Variants in LRRD1 observed in about 807,000 individuals in gnomAD.
LRRD1 encodes the protein leucine-rich repeat and death domain-containing protein 1.
LRRD1 carries 49 observed loss-of-function variants against 69.5 expected under a neutral mutation model. The ratio of observed to expected loss-of-function variants is 0.70; its 90% confidence interval spans 0.56 to 0.89. The LOEUF (loss-of-function observed/expected upper bound fraction) is 0.89. LRRD1 is among the 40% of genes least tolerant of loss of function. LRRD1 has a pLI of 0.00. For synonymous variants in LRRD1, 303 were observed against 338.9 expected (o/e 0.89, Z 1.16); for missense variants, 853 against 956.0 (o/e 0.89, Z 1.42).
At chr7:92,157,845 G>A (rs569893768) in intron 3 of LRRD1, among the ~76,000 whole-genome samples, 1 of 151,942 alleles carries the variant, frequency 6.6e-6, no homozygotes, top group South Asian at 2.1e-4. Context: ...CCAAAGTGCT[G>A]GAATTACAGG....
intron 4 of LRRD1, among the ~76,000 whole-genome samples, chr7:92,149,596 C>T (rs567838163): frequency 2.6e-5 from 4 of 152,222 alleles, no homozygotes; most frequent in Admixed American, 6.5e-5. Context: ...AGCTCAAGGA[C>T]GGATGGGATA....
intron 1 of LRRD1, among the ~76,000 whole-genome samples, chr7:92,174,490 T>C (rs1483881694): frequency 1.1e-4 from 2 of 18,010 alleles, no homozygotes; most frequent in Non-Finnish European, 2.7e-4. Flanking sequence ...TATATATATA[T>C]ATATATATAT....
chr7:92,164,304 CA>C lies in LRRD1; in HGVS notation c.898del (p.Cys300AlafsTer6). The C allele has an allele frequency of 1.3e-6, 2 of 1,550,828 alleles. No homozygotes were observed. The highest frequency in any genetic ancestry group is 1.7e-6 in the Non-Finnish European group (2 of 1,146,668). ...NQLTTFPKAL[C>X]FLPKLISLDL... is the part of the protein sequence containing the mutation. ...TAGTGAAATTAACTTTGGAAGGAAG[CA>C]GAGAGCTTTAGGAAATGTTGTTAAC... On this transcript the variant is annotated frameshift_variant, in exon 2 of 6. Transcript: ENST00000458448. LOFTEE classifies it high-confidence loss of function.
intron 1 of LRRD1, among the ~76,000 whole-genome samples, chr7:92,168,112 T>C (rs1161969461): frequency 6.6e-6 from 1 of 151,962 alleles, no homozygotes; most frequent in Non-Finnish European, 1.5e-5. Context: ...AGGAAATAGT[T>C]CCTAAGACCG....
rs1231305020 is a variant in LRRD1 at position 92,164,899 on chromosome 7, A to G, written c.304T>C (p.Ser102Pro). The G allele has an allele frequency of 6.4e-7, 1 of 1,551,468 alleles. No individual in the cohort carries two copies. Among genetic ancestry groups the G allele is most frequent in the African/African-American group, 1.4e-5 (1 of 73,046 alleles). Residue 102 changes from serine (S) to proline (P), a missense_variant, in exon 2 of 6, where the codon TCA becomes CCA. Around this residue, in one of 3 missense-constraint regions of LRRD1, gnomAD observed 15 missense variants for 40.9 expected, o/e 0.37. Coordinates refer to ENST00000458448, the MANE Select transcript of LRRD1 (RefSeq NM_001161528.2). ...TATTCTGCAGTCCTCCCAGTTAGTG[A>G]TGATAAACTCTGTGAAGTTCCTGTT... ...TRTGTSQSLS[S>P]LTGRTAEYQA...
At chr7:92,160,797 A>C (rs573400246) in intron 2 of LRRD1, among the ~76,000 whole-genome samples, 2 of 152,370 alleles carry the variant, frequency 1.3e-5, no homozygotes, top group East Asian at 3.9e-4. Flanking sequence ...TGAGCGACAG[A>C]GTGAGACTCT....
Position 92,169,679 on chromosome 7 carries a change from C to T in LRRD1, c.-74-4403G>A, listed in dbSNP as rs144939391. ...AAAGAAATTTTGGAACTGAGAAATACATTTACTGAACAGAAAAATTCACTA... is the reference window on the plus strand; with the variant it reads ...AAAGAAATTTTGGAACTGAGAAATATATTTACTGAACAGAAAAATTCACTA... On this transcript the variant is annotated intron_variant, in intron 1 of 5. Coordinates refer to ENST00000458448, the MANE Select transcript of LRRD1 (RefSeq NM_001161528.2). 6.7e-3 allele frequency among the ~76,000 whole-genome samples: 1,022 copies of T among 151,942 alleles called. 10 individuals carry two copies. Among genetic ancestry groups the T allele is most frequent in the African/African-American group, 0.023 (973 of 41,436 alleles).
At chr7:92,178,954 A>G (rs1350917246) in intron 1 of LRRD1, 53 bp downstream of exon 1, 1 of 152,244 alleles carries the variant, frequency 6.6e-6, no homozygotes, top group African/African-American at 2.4e-5. Context: ...AATGAGAGAG[A>G]ATCTGGGCGT....
intron 1 of LRRD1, among the ~76,000 whole-genome samples, chr7:92,170,158 A>C (rs1789021357): frequency 6.6e-6 from 1 of 151,694 alleles, no homozygotes; most frequent in African/African-American, 2.4e-5. Flanking sequence ...GGAAGGAAGG[A>C]AGGAGGGAAG....
chr7:92,152,051 T>C (rs1484705598), intron 3 of LRRD1, among the ~76,000 whole-genome samples: 3 of 149,834 alleles, frequency 2.0e-5, no homozygotes, highest in South Asian at 2.1e-4. Context: ...TTTATAGTTA[T>C]ATTATTTATA....
At chr7:92,156,615 A>G (rs1043485247) in intron 3 of LRRD1, among the ~76,000 whole-genome samples, 3 of 152,204 alleles carry the variant, frequency 2.0e-5, no homozygotes, top group Admixed American at 6.5e-5. Flanking sequence ...TAGACATATG[A>G]TTGATTTTTG....
At position 92,159,653 on chromosome 7, in the gene LRRD1, G is replaced by A. The variant is rs567089902; in HGVS notation, c.1918-450C>T. Among the ~76,000 whole-genome samples, 7 of 134,980 alleles carry A rather than the reference G, an allele frequency of 5.2e-5. No individual in the cohort carries two copies. The East Asian group carries it at 8.6e-4, about 17-fold the overall frequency. 88.6% of individuals were successfully genotyped at this position (134,980 alleles called of 152,430 possible). ...TTTTTTTTTTTGAGACGGAGATCTC[G>A]GTCTGTCACCCAGGCTGGAGGGCAA... On this transcript the variant is annotated intron_variant, in intron 2 of 5. Transcript: ENST00000458448.
intron 1 of LRRD1, among the ~76,000 whole-genome samples, chr7:92,174,408 A>T (rs1369282230): frequency 6.9e-6 from 1 of 144,176 alleles, no homozygotes; most frequent in Admixed American, 7.0e-5. Context: ...TACAAATTAC[A>T]TGATTGTATT....
Position 92,165,080 on chromosome 7 carries a change from G to A in LRRD1, c.123C>T (p.Asn41=), listed in dbSNP as rs913120421. 55 of 1,551,438 alleles carry A rather than the reference G, an allele frequency of 3.5e-5. No individual in the cohort carries two copies. In the Admixed American group the frequency reaches 6.7e-4, roughly 19 times the overall value. The change falls in exon 2 of 6, where the codon AAC becomes AAT. Residue 41 remains asparagine, a synonymous_variant. Coordinates refer to ENST00000458448, the MANE Select transcript of LRRD1 (RefSeq NM_001161528.2). ...TCCCTTCCAGGTAATCAGAAGCTTC[G>A]TTTATCAAATTTGATGTTTCTTTAA... ...GFIKETSNLI[N]EASDYLEGKS...
chr7:92,163,705 A>C lies in LRRD1; in HGVS notation c.1498T>G (p.Ser500Ala), dbSNP rs1216890436. Residue 500 changes from serine (S) to alanine (A), a missense_variant, in exon 2 of 6, where the codon TCA (serine) becomes GCA (alanine). Physicochemically the swap from Ser to Ala is moderately conservative, Grantham distance 99. Around this residue, in one of 3 missense-constraint regions of LRRD1, gnomAD observed 739 missense variants for 808.0 expected, o/e 0.91. Coordinates refer to ENST00000458448, the MANE Select transcript of LRRD1 (RefSeq NM_001161528.2). Reference sequence around the variant, plus strand: ...AAAGATATATCCACAGGTATTTCTGAAATATAATTTCCATTAACACTCAAA... The same window carrying C: ...AAAGATATATCCACAGGTATTTCTGCAATATAATTTCCATTAACACTCAAA... ...YYLSVNGNYI[S>A]EIPVDISFSK... 5 of 1,500,784 alleles carry C rather than the reference A, an allele frequency of 3.3e-6. No homozygotes were observed. In the African/African-American group the frequency reaches 7.1e-5, roughly 21 times the overall value. 93.0% of individuals were successfully genotyped at this position (1,500,784 alleles called of 1,614,324 possible). A position where few individuals can be genotyped will look rare whatever the true frequency, so the allele number is the denominator to read the frequency against.
At chr7:92,155,400 T>A (rs955037612) in intron 3 of LRRD1, among the ~76,000 whole-genome samples, 3 of 152,166 alleles carry the variant, frequency 2.0e-5, no homozygotes, top group African/African-American at 7.2e-5. Flanking sequence ...TTATGAATTG[T>A]TTATTTCTGG....
intron 4 of LRRD1, among the ~76,000 whole-genome samples, chr7:92,147,288 G>A (rs554172005): frequency 6.7e-4 from 102 of 152,082 alleles, no homozygotes; most frequent in African/African-American, 2.4e-3. Flanking sequence ...GGCTGGTCTC[G>A]AACTCCTGAC....
chr7:92,170,660 G>GA (rs1474367575), intron 1 of LRRD1, among the ~76,000 whole-genome samples: 2 of 152,128 alleles, frequency 1.3e-5, no homozygotes, highest in Non-Finnish European at 2.9e-5. Context: ...AATCAACAAA[G>GA]AAACACTGGA....
chr7:92,164,354 C>T lies in LRRD1; in HGVS notation c.849G>A (p.Arg283=). Residue 283 remains arginine (R), a synonymous_variant, in exon 2 of 6, where the codon AGG becomes AGA. Transcript: ENST00000458448. ...PDTLPSLKTL[R]VLNLEYNQLT... ...ACTGATTATATTCCAAATTGAGAAC[C>T]CTCAAGGTTTTTAAACTAGGCAGAG... The T allele has an allele frequency of 6.5e-7, 1 of 1,549,506 alleles. No individual in the cohort carries two copies.
Sources: allele counts gnomAD v4.1 joint callset (sites outside exome capture counted in the v4.1 genomes callset), GRCh38; gene constraint gnomAD v4.1.1; regional missense constraint gnomAD v4.1.1; transcripts MANE v1.5; gene names NCBI Gene and HGNC (gene_info 2026-07-23, HGNC 2026-07-21).